The following LOC128462377 variants were observed in gnomAD, a reference collection of about 807,000 sequenced individuals.
chr16:89,339,530 CG>C, the LOC128462377 span, among the ~76,000 whole-genome samples: 8 of 152,128 alleles, frequency 5.3e-5, no homozygotes, highest in African/African-American at 1.7e-4. Context: ...CAAACCATTT[CG>C]GAAATTTAGA....
the LOC128462377 span, among the ~76,000 whole-genome samples, chr16:89,386,413 G>GGAGA: frequency 2.6e-5 from 4 of 152,170 alleles, no homozygotes; most frequent in Admixed American, 6.5e-5. Flanking sequence ...CTTTACCCAA[G>GGAGA]GAGACGCCAG....
chr16:89,337,896 T>C, the LOC128462377 span, among the ~76,000 whole-genome samples: 1 of 152,094 alleles, frequency 6.6e-6, no homozygotes, highest in Non-Finnish European at 1.5e-5. Context: ...GTGTGTGGAA[T>C]CCCCCTCTAT....
chr16:89,410,488 T>G, the LOC128462377 span, among the ~76,000 whole-genome samples: 1 of 152,148 alleles, frequency 6.6e-6, no homozygotes, highest in Non-Finnish European at 1.5e-5. Context: ...GAGCTGAGGC[T>G]GTCAGGAACC....
At chr16:89,319,425 A>C in the LOC128462377 span, among the ~76,000 whole-genome samples, 1 of 152,234 alleles carries the variant, frequency 6.6e-6, no homozygotes, top group South Asian at 2.1e-4. Flanking sequence ...CCTGCATCAC[A>C]GCGAACACTC....
chr16:89,335,365 G>A, the LOC128462377 span, among the ~76,000 whole-genome samples: 130 of 152,306 alleles, frequency 8.5e-4, no homozygotes, highest in African/African-American at 2.7e-3. Context: ...CGAGGCATCC[G>A]TGAGTCCCAC....
At chr16:89,319,625 C>A in the LOC128462377 span, among the ~76,000 whole-genome samples, 2 of 152,242 alleles carry the variant, frequency 1.3e-5, no homozygotes, top group African/African-American at 4.8e-5. Flanking sequence ...CCAGCCCCCG[C>A]CTCTCCATGA....
At chr16:89,385,637 C>A in the LOC128462377 span, among the ~76,000 whole-genome samples, 1 of 152,242 alleles carries the variant, frequency 6.6e-6, no homozygotes, top group Non-Finnish European at 1.5e-5. Context: ...GATGCATTTC[C>A]ACATTTCACT....
the LOC128462377 span, among the ~76,000 whole-genome samples, chr16:89,406,358 G>T: frequency 6.6e-6 from 1 of 152,094 alleles, no homozygotes; most frequent in South Asian, 2.1e-4. Flanking sequence ...CCCACACCTG[G>T]GCCTCGGCCA....
the LOC128462377 span, among the ~76,000 whole-genome samples, chr16:89,355,825 G>A: frequency 5.3e-5 from 8 of 152,300 alleles, no homozygotes; most frequent in East Asian, 1.5e-3. Context: ...AAGGGTCTGT[G>A]GCTCTCCTGT....
At chr16:89,347,861 C>T in the LOC128462377 span, among the ~76,000 whole-genome samples, 1 of 152,046 alleles carries the variant, frequency 6.6e-6, no homozygotes, top group African/African-American at 2.4e-5. Context: ...TTTCTCAGAA[C>T]GTCCTCCATC....
At chr16:89,329,560 A>G in the LOC128462377 span, among the ~76,000 whole-genome samples, 1 of 152,232 alleles carries the variant, frequency 6.6e-6, no homozygotes, top group Non-Finnish European at 1.5e-5. Context: ...TTGTAATTCA[A>G]TAAAGCTGTT....
At chr16:89,372,105 C>A in the LOC128462377 span, among the ~76,000 whole-genome samples, 4 of 152,236 alleles carry the variant, frequency 2.6e-5, no homozygotes, top group Non-Finnish European at 5.9e-5. Context: ...ACGGCGGGCA[C>A]CCGGCCCTCG....
the LOC128462377 span, among the ~76,000 whole-genome samples, chr16:89,375,904 G>C: frequency 3.3e-5 from 5 of 151,904 alleles, no homozygotes; most frequent in Admixed American, 3.3e-4. Context: ...CTCCCAAGAA[G>C]CAGAGCTCCC....
At chr16:89,348,081 G>C in the LOC128462377 span, among the ~76,000 whole-genome samples, 2 of 151,792 alleles carry the variant, frequency 1.3e-5, no homozygotes. Flanking sequence ...CTACAGGCGC[G>C]CCACCCTGCC....
the LOC128462377 span, chr16:89,317,197 G>T: frequency 1.3e-6 from 1 of 779,174 alleles, no homozygotes; most frequent in Non-Finnish European, 2.2e-6. Context: ...TCTGATCAGG[G>T]CTGGGGCCCG....
At chr16:89,351,360 C>A in the LOC128462377 span, among the ~76,000 whole-genome samples, 1 of 152,222 alleles carries the variant, frequency 6.6e-6, no homozygotes, top group Non-Finnish European at 1.5e-5. Context: ...CAGATCCCAA[C>A]AGGAGCAGGA....
At chr16:89,336,217 T>C in the LOC128462377 span, among the ~76,000 whole-genome samples, 1 of 152,290 alleles carries the variant, frequency 6.6e-6, no homozygotes, top group African/African-American at 2.4e-5. Flanking sequence ...ACTCAAGACT[T>C]GAGGGGTTCA....
the LOC128462377 span, among the ~76,000 whole-genome samples, chr16:89,385,050 T>C: frequency 6.6e-6 from 1 of 151,786 alleles, no homozygotes; most frequent in Non-Finnish European, 1.5e-5. Flanking sequence ...CATGCCAGGC[T>C]AATTTTTGTA....
At chr16:89,332,198 C>G in the LOC128462377 span, among the ~76,000 whole-genome samples, 1 of 152,088 alleles carries the variant, frequency 6.6e-6, no homozygotes, top group African/African-American at 2.4e-5. Context: ...AAATGACTTC[C>G]TTACGTATTA....
Sources: gnomAD v4.1 joint callset for allele counts (sites outside exome capture counted in the v4.1 genomes callset) on GRCh38, gnomAD v4.1.1 for gene constraint, MANE v1.5 for transcripts.